MZF1: variants seen among roughly 807,000 people sequenced by gnomAD.
MZF1 encodes myeloid zinc finger 1.
In MZF1, 24 loss-of-function variants were observed where a neutral mutation model predicts 28.6. The ratio of observed to expected loss-of-function variants is 0.84; its 90% CI spans 0.61 to 1.18. The LOEUF is 1.18. MZF1 is among the 50% of genes most tolerant of loss of function. MZF1 has a pLI of 0.00. For synonymous variants in MZF1, 516 were observed against 432.5 expected (o/e 1.19, Z -2.40); for missense variants, 1,166 against 1,026.4 (o/e 1.14, Z -1.86).
intron 1 of MZF1, chr19:58,572,808 G>A (rs1047667277): frequency 5.4e-6 from 2 of 370,106 alleles, no homozygotes; most frequent in Non-Finnish European, 5.2e-6. Flanking sequence ...GGCAACTTCC[G>A]CTCCAGGGTG....
rs778314996 is a variant in MZF1, at chr19:58,563,213, C to T, written c.1064G>A (p.Gly355Asp). ...RPSTGGGVVRGGRCDVCGKVF... is the reference protein window; with the variant it reads ...RPSTGGGVVRDGRCDVCGKVF... ...CTTGCCACATACATCGCAACGGCCG[C>T]CCCTAACCACCCCGCCCCCAGTGCT... is the stretch of plus-strand genomic sequence containing the variant. The change falls in exon 6 of 6, where the codon GGC becomes GAC. Residue 355 changes from glycine (G) to aspartate (D), a missense_variant. By Grantham distance (94) the Gly-to-Asp change is moderately conservative (BLOSUM62 -1). Transcript: ENST00000215057. 9.9e-6 allele frequency: 16 copies of T among 1,610,602 alleles called. 1 individual carries two copies. The highest frequency in any genetic ancestry group is 1.7e-5 in the Admixed American group (1 of 59,794).
chr19:58,570,632 T>C, intron 2 of MZF1, 105 bp from the exon 3 acceptor site: 2 of 1,262,164 alleles, frequency 1.6e-6, no homozygotes, highest in Non-Finnish European at 2.2e-6. Flanking sequence ...GGGGCCTGCC[T>C]TGTAAATACC....
chr19:58,570,533 G>A lies in MZF1; in HGVS notation c.397-6C>T. 1 of 1,610,020 alleles carries A rather than the reference G, an allele frequency of 6.2e-7. No individual in the cohort carries two copies. Among genetic ancestry groups the A allele is most frequent in the South Asian group, 1.1e-5 (1 of 90,772 alleles). On this transcript the variant is annotated splice_region_variant and splice_polypyrimidine_tract_variant and intron_variant, in intron 2 of 5. Coordinates refer to ENST00000215057, the MANE Select transcript of MZF1 (RefSeq NM_198055.2). ...CCCTGCACCTGGACTGTGACCTGGG[G>A]AGGTGCCCCCACCATCAGAAGTCCT...
chr19:58,571,485 GCC>G, intron 1 of MZF1, 56 bp from the exon 2 acceptor site: 4 of 1,467,226 alleles, frequency 2.7e-6, no homozygotes, highest in Non-Finnish European at 3.7e-6. Flanking sequence ...ATGCTTCACT[GCC>G]TAGTCTATGC....
chr19:58,571,694 T>A (rs1022240988), intron 1 of MZF1: 1 of 361,222 alleles, frequency 2.8e-6, no homozygotes, highest in Non-Finnish European at 5.1e-6. Context: ...TTTTTTTCTT[T>A]TCTTTGAGAC....
intron 5 of MZF1, among the ~76,000 whole-genome samples, chr19:58,566,317 G>A (rs933859645): frequency 6.6e-6 from 1 of 151,864 alleles, no homozygotes; most frequent in Non-Finnish European, 1.5e-5. Flanking sequence ...GCGTGGTGGA[G>A]CATGACTGTA....
intron 1 of MZF1, chr19:58,572,440 A>G (rs992821275): frequency 5.9e-6 from 5 of 846,576 alleles, no homozygotes; most frequent in Non-Finnish European, 8.3e-6. Flanking sequence ...CAAAGGCTCC[A>G]AGACTGCCGG....
At chr19:58,569,645 T>C (rs2054121107) in intron 3 of MZF1, 59 bp from the exon 4 acceptor site, 1 of 1,396,634 alleles carries the variant, frequency 7.2e-7, no homozygotes, top group East Asian at 2.3e-5. Flanking sequence ...CTGCCCTTCT[T>C]AGTGGTGTGC....
chr19:58,566,320 T>C lies in MZF1; in HGVS notation c.773-2816A>G, dbSNP rs373577662. Among the ~76,000 whole-genome samples, 4 of 151,136 alleles carry C rather than the reference T, an allele frequency of 2.6e-5. No individual in the cohort carries two copies. The East Asian group carries it at 7.8e-4, about 30-fold the overall frequency. ...AAAATTAGCTGGGCGTGGTGGAGCA[T>C]GACTGTAATCTCAGCTACTTGGGAG... On this transcript the variant is annotated intron_variant, in intron 5 of 5. Transcript: ENST00000215057.
At chr19:58,570,594 T>A (rs1411737849) in intron 2 of MZF1, 67 bp from the exon 3 acceptor site, 3 of 1,517,370 alleles carry the variant, frequency 2.0e-6, no homozygotes, top group Non-Finnish European at 2.7e-6. Context: ...CTGGGGTTTG[T>A]GGGTGCCCAT....
In MZF1 at chr19:58,569,320, G is replaced by A; in HGVS notation, c.729C>T (p.Pro243=). Residue 243 remains proline, a synonymous_variant, in exon 5 of 6, where the codon CCC becomes CCT. Transcript: ENST00000215057. ...CAGCTTCCTCATGCCACAGGGCCCT[G>A]GGGTGCTCCCTCCATGAGGGACCCT... ...GPEGPSWREH[P]RALWHEEAGG... The A allele has an allele frequency of 1.2e-6, 2 of 1,613,258 alleles. No homozygotes were observed. The highest frequency in any genetic ancestry group is 1.7e-6 in the Non-Finnish European group (2 of 1,179,560).
In MZF1 at chr19:58,562,974, T is replaced by C. The variant is rs763508871; in HGVS notation, c.1303A>G (p.Thr435Ala). The change falls in exon 6 of 6, where the codon ACG (threonine) becomes GCG (alanine). Residue 435 changes from threonine to alanine, a missense_variant. Transcript: ENST00000215057. ...ARLEEHRRVH[T>A]GEQPFRCAEC... ...GCGCAACGGAAAGGCTGTTCGCCCG[T>C]GTGCACTCTCCGATGCTCTTCCAGG... The C allele has an allele frequency of 1.0e-4, 164 of 1,601,850 alleles. No homozygotes were observed. The highest frequency in any genetic ancestry group is 1.3e-4 in the Non-Finnish European group (152 of 1,179,596).
chr19:58,570,611 G>A, intron 2 of MZF1, 84 bp from the exon 3 acceptor site: 2 of 1,426,616 alleles, frequency 1.4e-6, no homozygotes, highest in Non-Finnish European at 1.9e-6. Context: ...CCATCCCACT[G>A]TAGGATCCCA....
At chr19:58,565,358 T>C (rs557845541) in intron 5 of MZF1, among the ~76,000 whole-genome samples, 1 of 147,674 alleles carries the variant, frequency 6.8e-6, no homozygotes, top group African/African-American at 2.7e-5. Flanking sequence ...CCTCCCAAAG[T>C]GCTGGGATTG....
In MZF1 at chr19:58,562,148, G is replaced by T. The variant is rs1384157858; in HGVS notation, c.2129C>A (p.Ala710Asp). The change falls in exon 6 of 6, where the codon GCC (alanine) becomes GAC (aspartate). Residue 710 changes from alanine to aspartate, a missense_variant. Physicochemically the swap from Ala to Asp is moderately radical, Grantham distance 126 (BLOSUM62 -2). Coordinates refer to ENST00000215057, the MANE Select transcript of MZF1 (RefSeq NM_198055.2). ...GAAGCGGCGGCCACAGTCCTGGCAG[G>T]CGAAGGGCTTCTCTCGTCGGTGGGT... Reference protein sequence around the residue: ...LRTHRREKPFACQDCGRRFHQ... With the variant: ...LRTHRREKPFDCQDCGRRFHQ... The T allele has an allele frequency of 6.3e-7, 1 of 1,592,574 alleles. No individual in the cohort carries two copies. The highest frequency in any genetic ancestry group is 2.3e-5 in the East Asian group (1 of 43,756).
chr19:58,569,520 G>T lies in MZF1; in HGVS notation c.647C>A (p.Ala216Asp), dbSNP rs61731800. Residue 216 changes from alanine to aspartate, a missense_variant, in exon 4 of 6, where the codon GCC becomes GAC. Physicochemically the swap from Ala to Asp is moderately radical, Grantham distance 126. Transcript: ENST00000215057. ...ATGGACCTGGGCAGGACTTACCTGG[G>T]CCTCCTCAGGCAGGAGGGTGGGTAC... ...ESVPTLLPEE[A>D]QRCGTVLDQI... 1.7e-3 allele frequency: 2,785 copies of T among 1,611,602 alleles called. 53 individuals are homozygous for T. The African/African-American group carries it at 0.033, about 19-fold the overall frequency.
rs545420562 is a variant in MZF1 at position 58,572,621 on chromosome 19, C to T, written c.-41+434G>A. The T allele has an allele frequency of 2.9e-4, 374 of 1,289,680 alleles. No homozygotes were observed. The Middle Eastern group carries it at 3.2e-3, about 11-fold the overall frequency. 79.9% of individuals were successfully genotyped at this position (1,289,680 alleles called of 1,614,324 possible). On this transcript the variant is annotated intron_variant, in intron 1 of 5. Transcript: ENST00000215057. ...ATCTGCGTTTATGAAGGGGATGGCA[C>T]CGCAGAATCATTCCCCCGTGGGTGG...
intron 5 of MZF1, among the ~76,000 whole-genome samples, chr19:58,566,904 TC>T (rs1219516303): frequency 9.2e-6 from 1 of 108,658 alleles, no homozygotes; most frequent in Non-Finnish European, 2.0e-5. Context: ...TTCCCAAGAC[TC>T]TTTTTTTTTT....
rs1031788780 is a variant in MZF1, at chr19:58,571,041, C to T, written c.349G>A (p.Ala117Thr). Residue 117 changes from alanine to threonine, a missense_variant, in exon 2 of 6, where the codon GCC becomes ACC. Physicochemically the swap from Ala to Thr is moderately conservative, Grantham distance 58. Transcript: ENST00000215057. ...TCCCGGCGCAGCCCATCTACTAGGGCAGCAGCCTCCTCGGGGCTGCCTGGC... is the reference window on the plus strand; with the variant it reads ...TCCCGGCGCAGCCCATCTACTAGGGTAGCAGCCTCCTCGGGGCTGCCTGGC... Reference protein sequence around the residue: ...QRPGSPEEAAALVDGLRREPG... With the variant: ...QRPGSPEEAATLVDGLRREPG... The T allele has an allele frequency of 6.2e-7, 1 of 1,612,862 alleles. No individual in the cohort carries two copies. The highest frequency in any genetic ancestry group is 8.5e-7 in the Non-Finnish European group (1 of 1,179,630).
Sources: gnomAD v4.1 joint callset for allele counts (sites outside exome capture counted in the v4.1 genomes callset) on GRCh38, gnomAD v4.1.1 for gene constraint, MANE v1.5 for transcripts, NCBI Gene and HGNC (gene_info 2026-07-23, HGNC 2026-07-21) for gene names.